The following HSF2 variants were observed in gnomAD, a reference collection of about 807,000 sequenced individuals.
HSF2 encodes the protein heat shock factor protein 2.
A neutral mutation model predicts 65.0 loss-of-function variants in HSF2; 21 were observed. That is an observed-to-expected ratio of 0.32 (90% CI 0.23 to 0.47). The LOEUF is 0.47. Ranked by LOEUF, HSF2 falls within the 20% of genes least tolerant of loss-of-function variation. The probability of loss-of-function intolerance (pLI) is 1.00; values close to 1 mark genes in which losing one functional copy is unlikely to be tolerated. For synonymous variants in HSF2, 225 were observed against 219.1 expected (o/e 1.03, Z -0.24); for missense variants, 499 against 628.1 (o/e 0.79, Z 2.20).
intron 4 of HSF2, 50 bp downstream of exon 4, chr6:122,413,699 T>A (rs1485303611): frequency 2.5e-5 from 36 of 1,457,686 alleles, no homozygotes; most frequent in Non-Finnish European, 3.4e-5. Context: ...TGGGTATGTG[T>A]CTATGTGTGT....
At position 122,399,830 on chromosome 6, in the gene HSF2, G is replaced by C. The variant is rs753721001; in HGVS notation, c.93G>C (p.Gln31His). Reference protein sequence around the residue: ...THTNEFITWSQNGQSFLVLDE... With the variant: ...THTNEFITWSHNGQSFLVLDE... ...CTAACGAGTTCATCACCTGGAGCCA[G>C]GTACGGTCAGGCCACGGCGGCCTCT... Residue 31 changes from glutamine (Q) to histidine (H), a missense_variant and splice_region_variant, in exon 1 of 13, where the codon CAG (glutamine) becomes CAC (histidine). Gln to His is a conservative substitution (Grantham distance 24). Coordinates refer to ENST00000368455, the MANE Select transcript of HSF2 (RefSeq NM_004506.4). The C allele has an allele frequency of 6.2e-7, 1 of 1,610,030 alleles. No individual in the cohort carries two copies. The highest frequency in any genetic ancestry group is 1.7e-5 in the Admixed American group (1 of 59,884).
intron 5 of HSF2, among the ~76,000 whole-genome samples, chr6:122,417,294 T>C (rs189094310): frequency 9.8e-4 from 150 of 152,296 alleles, no homozygotes; most frequent in African/African-American, 3.0e-3. Context: ...CTTAAAACAA[T>C]AGATGTACCT....
At chr6:122,408,055 C>T (rs1176783970) in intron 1 of HSF2, among the ~76,000 whole-genome samples, 1 of 152,102 alleles carries the variant, frequency 6.6e-6, no homozygotes. Context: ...TTCATTACCT[C>T]CTCTGAACCT....
chr6:122,410,918 TTTG>T (rs1261832743), intron 1 of HSF2, among the ~76,000 whole-genome samples: 4 of 149,120 alleles, frequency 2.7e-5, no homozygotes, highest in African/African-American at 9.8e-5. Flanking sequence ...TATGGTTTTT[TTTG>T]TTTTGTTTTT....
chr6:122,403,501 G>A (rs1773788849), intron 1 of HSF2, among the ~76,000 whole-genome samples: 1 of 152,054 alleles, frequency 6.6e-6, no homozygotes, highest in Non-Finnish European at 1.5e-5. Flanking sequence ...CAGCTACTCA[G>A]GAGGCTGAAG....
At chr6:122,425,098 T>A (rs1210636132) in intron 10 of HSF2, among the ~76,000 whole-genome samples, 3 of 152,004 alleles carry the variant, frequency 2.0e-5, no homozygotes, top group African/African-American at 4.8e-5. Flanking sequence ...CCTTAATCTT[T>A]CCCGTCTGCC....
At chr6:122,403,638 G>A (rs1403208689) in intron 1 of HSF2, among the ~76,000 whole-genome samples, 3 of 152,070 alleles carry the variant, frequency 2.0e-5, no homozygotes, top group African/African-American at 7.2e-5. Context: ...AGAAAGAAAA[G>A]AAAGTATGTT....
rs45627834 is a variant in HSF2 at position 122,402,962 on chromosome 6, A to C, written c.93+3132A>C. Among the ~76,000 whole-genome samples, 406 of 151,240 alleles carry C rather than the reference A, an allele frequency of 2.7e-3. 1 individual carries two copies. The highest frequency in any genetic ancestry group is 9.3e-3 in the African/African-American group (386 of 41,288). On this transcript the variant is annotated intron_variant, in intron 1 of 12. Transcript: ENST00000368455. Reference sequence around the variant, plus strand: ...ATTTATACTATGAAAATCATTGAGAACTTTTAGAAGAAGCAGTTGTTTTGG... The same window carrying C: ...ATTTATACTATGAAAATCATTGAGACCTTTTAGAAGAAGCAGTTGTTTTGG...
chr6:122,405,967 T>G (rs570812437), intron 1 of HSF2, among the ~76,000 whole-genome samples: 2 of 152,250 alleles, frequency 1.3e-5, no homozygotes, highest in East Asian at 3.9e-4. Context: ...GGTCTTTGAG[T>G]GTTGCTGACC....
intron 7 of HSF2, among the ~76,000 whole-genome samples, chr6:122,421,349 T>A (rs1774231388): frequency 6.6e-6 from 1 of 151,968 alleles, no homozygotes; most frequent in African/African-American, 2.4e-5. Context: ...TCTTGGACAA[T>A]CAAACTTAAC....
chr6:122,421,691 G>GT (rs1774238352), intron 7 of HSF2, among the ~76,000 whole-genome samples: 2 of 151,842 alleles, frequency 1.3e-5, no homozygotes, highest in African/African-American at 4.8e-5. Context: ...GGTGAAGTGC[G>GT]TTTTTTTCTC....
intron 10 of HSF2, 75 bp from the exon 11 acceptor site, chr6:122,427,828 C>A: frequency 1.0e-6 from 1 of 997,442 alleles, no homozygotes. Context: ...CCCAACATGG[C>A]TGTATAAAAT....
chr6:122,403,271 CTA>C (rs1773783546), intron 1 of HSF2, among the ~76,000 whole-genome samples: 1 of 152,094 alleles, frequency 6.6e-6, no homozygotes, highest in South Asian at 2.1e-4. Flanking sequence ...GTTATTGACT[CTA>C]AAATAATAGA....
Position 122,400,245 on chromosome 6 carries a change from A to G in HSF2, c.93+415A>G, listed in dbSNP as rs1773696554. ...CGGAGGGGACAGGGAGCCCAGGGCC[A>G]GGATCATCAACGTGGGGCTTTATAG... On this transcript the variant is annotated intron_variant, in intron 1 of 12. Transcript: ENST00000368455. Among the ~76,000 whole-genome samples the G allele has an allele frequency of 2.0e-5, 3 of 152,170 alleles. No homozygotes were observed. In the South Asian group the frequency reaches 6.2e-4, roughly 32 times the overall value.
Position 122,433,009 on chromosome 6 carries a change from A to G in HSF2, c.*789A>G, listed in dbSNP as rs377075557. 1 of 152,222 alleles carries G rather than the reference A, an allele frequency of 6.6e-6. No homozygotes were observed. The highest frequency in any genetic ancestry group is 2.1e-4 in the South Asian group (1 of 4,828). 9.4% of individuals were successfully genotyped at this position (152,222 alleles called of 1,614,324 possible). A position where few individuals can be genotyped will look rare whatever the true frequency, so the allele number is the denominator to read the frequency against. On this transcript the variant is annotated 3_prime_UTR_variant, in exon 13 of 13. Coordinates refer to ENST00000368455, the MANE Select transcript of HSF2 (RefSeq NM_004506.4). ...TTAGAGGTGACACTCACATGAAACA[A>G]TTTTTTCTTCTCATAGGAAGCAGTA...
At chr6:122,430,430 G>A (rs557688166) in intron 11 of HSF2, among the ~76,000 whole-genome samples, 6 of 152,072 alleles carry the variant, frequency 3.9e-5, no homozygotes, top group African/African-American at 1.2e-4. Context: ...TAACGGTGAC[G>A]TCTTTGGAAA....
intron 1 of HSF2, among the ~76,000 whole-genome samples, chr6:122,412,153 T>C (rs1477301401): frequency 6.6e-6 from 1 of 151,982 alleles, no homozygotes; most frequent in African/African-American, 2.4e-5. Flanking sequence ...GTTTGAGATA[T>C]GTTCCTAAAC....
chr6:122,414,746 C>T (rs995309127), intron 4 of HSF2, among the ~76,000 whole-genome samples: 4 of 152,126 alleles, frequency 2.6e-5, no homozygotes, highest in Non-Finnish European at 2.9e-5. Context: ...GTGCCTCAGC[C>T]TCCCTAGTAG....
intron 3 of HSF2, among the ~76,000 whole-genome samples, chr6:122,413,043 A>G (rs1408458331): frequency 6.6e-6 from 1 of 152,044 alleles, no homozygotes; most frequent in East Asian, 1.9e-4. Context: ...TTCTAATAAT[A>G]TAAATATGCC....
Sources: gnomAD v4.1 joint callset for allele counts (sites outside exome capture counted in the v4.1 genomes callset) on GRCh38, gnomAD v4.1.1 for gene constraint, MANE v1.5 for transcripts, NCBI Gene and HGNC (gene_info 2026-07-23, HGNC 2026-07-21) for gene names.